Variants in CD247 observed in about 807,000 individuals in gnomAD.
CD247 encodes the protein CD247 molecule.
CD247 carries 13 observed loss-of-function variants against 30.0 expected under a neutral mutation model. The observed-to-expected ratio is 0.43, with a 90% CI of 0.28 to 0.69. The LOEUF (loss-of-function observed/expected upper bound fraction) is 0.69, where lower values mean the gene tolerates loss of function less well. Among genes scored for constraint, CD247 ranks in the 30% least tolerant of loss-of-function variants. The pLI, the probability that CD247 is intolerant of heterozygous loss-of-function variation, is 0.16. For missense variants in CD247, 193 were observed against 212.6 expected, an observed-to-expected ratio of 0.91 and a Z score of 0.57; for synonymous variants, 72 against 80.0, an observed-to-expected ratio of 0.90 and a Z score of 0.53.
At chr1:167,517,403 T>C (rs911057259) in intron 1 of CD247, among the ~76,000 whole-genome samples, 1 of 152,254 alleles carries the variant, frequency 6.6e-6, no homozygotes, top group African/African-American at 2.4e-5. Flanking sequence ...TTTCTTTAGA[T>C]TGAAATTCAG....
chr1:167,473,587 G>A (rs1166495655), intron 1 of CD247, among the ~76,000 whole-genome samples: 5 of 152,118 alleles, frequency 3.3e-5, no homozygotes, highest in Non-Finnish European at 7.4e-5. Context: ...CACACAGCTG[G>A]GGAGTTCGTG....
chr1:167,435,405 C>T lies in CD247; in HGVS notation c.330G>A (p.Leu110=). 1 of 1,612,024 alleles carries T rather than the reference C, an allele frequency of 6.2e-7. No homozygotes were observed. The highest frequency in any genetic ancestry group is 8.5e-7 in the Non-Finnish European group (1 of 1,178,074). ...PQRRKNPQEG[L]YNELQKDKMA... ...TGAGGTCTCCTCTACTCACATTGTA[C>T]AGGCCTTCCTGAGGGTTCTTCCTTC... The change falls in exon 5 of 8, where the codon CTG becomes CTA. Residue 110 remains leucine, a synonymous_variant. Transcript: ENST00000362089.
At chr1:167,515,633 G>T (rs1416866759) in intron 1 of CD247, among the ~76,000 whole-genome samples, 2 of 152,210 alleles carry the variant, frequency 1.3e-5, no homozygotes, top group Admixed American at 6.5e-5. Context: ...CCTATGACCA[G>T]CCAGAGCTTT....
intron 1 of CD247, chr1:167,457,309 G>A (rs982306895): frequency 2.6e-5 from 4 of 152,396 alleles, no homozygotes; most frequent in African/African-American, 9.6e-5. Flanking sequence ...AGCATGCTTA[G>A]TCCCCCTGGC....
In CD247 at chr1:167,498,836, T is replaced by C. The variant is rs144926947; in HGVS notation, c.58+19572A>G. ...CTTACCATCTAGACAGAAATGCAGA[T>C]GGCGGACACAAGAGGCACTTGCAAA... On this transcript the variant is annotated intron_variant, in intron 1 of 7. Transcript: ENST00000362089. Among the ~76,000 whole-genome samples, 723 of 152,304 alleles carry C rather than the reference T, an allele frequency of 4.7e-3. 3 individuals are homozygous for C. Among genetic ancestry groups the C allele is most frequent in the African/African-American group, 0.014 (574 of 41,574 alleles).
At chr1:167,435,581 C>T (rs1571508892) in intron 4 of CD247, 147 bp from the exon 5 acceptor site, 2 of 733,900 alleles carry the variant, frequency 2.7e-6, no homozygotes, top group East Asian at 2.6e-5. Context: ...CCAGCCTTGC[C>T]TAGGCCACTG....
intron 1 of CD247, among the ~76,000 whole-genome samples, chr1:167,447,902 G>C (rs996266622): frequency 1.4e-5 from 2 of 145,918 alleles, no homozygotes; most frequent in African/African-American, 5.0e-5. Flanking sequence ...TGATGACATT[G>C]CAGGGTAAAA....
intron 2 of CD247, chr1:167,440,394 C>T: frequency 1.9e-6 from 1 of 522,056 alleles, no homozygotes; most frequent in South Asian, 2.0e-5. Flanking sequence ...CATCGCCTTC[C>T]CTGGGACACT....
rs1203228587 is a variant in CD247, at chr1:167,494,670, G to A, written c.58+23738C>T. On this transcript the variant is annotated intron_variant, in intron 1 of 7. Transcript: ENST00000362089. The surrounding 1 kb of genome is among the most constrained non-coding windows in gnomAD (Gnocchi z 7.3). ...TTTACACAGCCCATGTCTCTGGATT[G>A]TTAAAAGGATCAAAAAAGATCATGA... 3.3e-5 allele frequency among the ~76,000 whole-genome samples: 5 copies of A among 152,274 alleles called. No individual in the cohort carries two copies. Among genetic ancestry groups the A allele is most frequent in the Non-Finnish European group, 5.9e-5 (4 of 68,024 alleles).
intron 1 of CD247, among the ~76,000 whole-genome samples, chr1:167,503,686 G>A (rs917105579): frequency 1.3e-5 from 2 of 152,146 alleles, no homozygotes; most frequent in Non-Finnish European, 2.9e-5. Flanking sequence ...TGAACACATT[G>A]TTTAGGAGCC....
Position 167,430,953 on chromosome 1 carries a change from CAT to C in CD247, c.*726_*727del, listed in dbSNP as rs1651235077. 5 of 396,714 alleles carry C rather than the reference CAT, an allele frequency of 1.3e-5. No homozygotes were observed. The highest frequency in any genetic ancestry group is 8.8e-5 in the Admixed American group (2 of 22,738). 24.6% of individuals were successfully genotyped at this position (396,714 alleles called of 1,614,324 possible). A position where few individuals can be genotyped will look rare whatever the true frequency, so the allele number is the denominator to read the frequency against. On this transcript the variant is annotated 3_prime_UTR_variant, in exon 8 of 8. Transcript: ENST00000362089. ...GCACTTTATTCACACTGTGTAACCA[CAT>C]GTTTTTTATGCCACTTTGTGCACAG...
Position 167,442,118 on chromosome 1 carries a change from A to C in CD247, c.59-1351T>G, listed in dbSNP as rs368630658. Among the ~76,000 whole-genome samples, 9 of 152,250 alleles carry C rather than the reference A, an allele frequency of 5.9e-5. No individual in the cohort carries two copies. The East Asian group carries it at 1.7e-3, about 29-fold the overall frequency. ...AGAGTGAGGCTCCGTCTCAAAAAAA[A>C]ATTTAAAAAGTTAGTGTTTTTATTT... On this transcript the variant is annotated intron_variant, in intron 1 of 7. Coordinates refer to ENST00000362089, the MANE Select transcript of CD247 (RefSeq NM_198053.3).
chr1:167,455,837 G>A lies in CD247; in HGVS notation c.59-15070C>T, dbSNP rs190849417. ...GGGTCCCCCAGACAGGCAAGGAGAG[G>A]GACCCGGCCTGGGGCCTGCCTTCGG... On this transcript the variant is annotated intron_variant, in intron 1 of 7. Transcript: ENST00000362089. Among the ~76,000 whole-genome samples the A allele has an allele frequency of 3.9e-5, 6 of 152,356 alleles. No individual in the cohort carries two copies. The South Asian group carries it at 6.2e-4, about 16-fold the overall frequency.
intron 1 of CD247, among the ~76,000 whole-genome samples, chr1:167,449,750 CT>C (rs1652268733): frequency 6.6e-6 from 1 of 151,990 alleles, no homozygotes; most frequent in African/African-American, 2.4e-5. Flanking sequence ...TGGTGAAACC[CT>C]CTCTCTACTA....
intron 1 of CD247, among the ~76,000 whole-genome samples, chr1:167,467,893 C>T (rs989757635): frequency 2.0e-5 from 3 of 152,122 alleles, no homozygotes; most frequent in Admixed American, 1.3e-4. Flanking sequence ...GCATGAGAGG[C>T]GTATTACATG....
intron 1 of CD247, among the ~76,000 whole-genome samples, chr1:167,503,630 T>G (rs1386826417): frequency 2.6e-5 from 4 of 152,254 alleles, no homozygotes; most frequent in Admixed American, 2.0e-4. Context: ...TATTAACATC[T>G]TGCTGAACAT....
chr1:167,501,140 C>T (rs1335936338), intron 1 of CD247, among the ~76,000 whole-genome samples: 1 of 151,452 alleles, frequency 6.6e-6, no homozygotes, highest in South Asian at 2.1e-4. Context: ...CCACAACCTC[C>T]GCCTCCCGGG....
chr1:167,481,923 A>G (rs1316415225), intron 1 of CD247, among the ~76,000 whole-genome samples: 2 of 152,154 alleles, frequency 1.3e-5, no homozygotes, highest in Non-Finnish European at 2.9e-5. Context: ...TAGGCCTCTG[A>G]CCAAGTTGAT....
At chr1:167,486,970 A>G (rs1316518642) in intron 1 of CD247, among the ~76,000 whole-genome samples, 5 of 150,174 alleles carry the variant, frequency 3.3e-5, no homozygotes, top group African/African-American at 1.2e-4. Flanking sequence ...GCTACTTGGG[A>G]GGCTGAGGCA....
Sources: gnomAD v4.1 joint callset for allele counts (sites outside exome capture counted in the v4.1 genomes callset) on GRCh38, gnomAD v4.1.1 for gene constraint, Gnocchi (gnomAD v3.1) non-coding constraint, MANE v1.5 for transcripts, NCBI Gene and HGNC (gene_info 2026-07-23, HGNC 2026-07-21) for gene names.